The following PCDH11X variants were observed in gnomAD, a reference collection of about 807,000 sequenced individuals.
PCDH11X encodes the protein protocadherin-11 X-linked.
Under a neutral mutation model 53.3 loss-of-function variants are expected in PCDH11X, and 18 were observed. The observed-to-expected ratio is 0.34, with a 90% CI of 0.23 to 0.50. PCDH11X has a LOEUF of 0.50. PCDH11X is among the 20% of genes least tolerant of loss of function. The pLI, the probability that PCDH11X is intolerant of heterozygous loss-of-function variation, is 0.98. For missense variants in PCDH11X, 570 were observed against 1,032.4 expected (o/e 0.55, Z 6.14); for synonymous variants, 279 against 393.3 (o/e 0.71, Z 3.44).
At chrX:92,322,726 A>G (rs980450948) in intron 8 of PCDH11X, among the ~76,000 whole-genome samples, 9 of 111,933 alleles carry the variant, frequency 8.0e-5, no homozygotes, top group Admixed American at 1.9e-4. Flanking sequence ...CAACACTCAT[A>G]AAGTCTATTG....
intron 6 of PCDH11X, among the ~76,000 whole-genome samples, chrX:92,108,320 T>C (rs2064430442): frequency 8.9e-6 from 1 of 112,101 alleles, no homozygotes; most frequent in Admixed American, 9.5e-5. Flanking sequence ...TTAAAAAAAG[T>C]AAAAGGGATT....
chrX:91,875,939 T>C (rs2524540), intron 5 of PCDH11X, among the ~76,000 whole-genome samples: 34,636 of 109,008 alleles, frequency 0.32, 4,867 homozygotes, highest in African/African-American at 0.51. Flanking sequence ...ATTTTTATTT[T>C]GGTGCTTACT....
chrX:91,919,334 T>C lies in PCDH11X; in HGVS notation c.3033+40061T>C, dbSNP rs1325738315. ...CAGAGTCTATAAATTAAATTTTAAG[T>C]CTCACAAAAGGATTATCTTTGTTTC... On this transcript the variant is annotated intron_variant, in intron 6 of 10. Transcript: ENST00000682573. Among the ~76,000 whole-genome samples, 3 of 111,729 alleles carry C rather than the reference T, an allele frequency of 2.7e-5. 1 individual carries two copies. The highest frequency in any genetic ancestry group is 9.2e-3 in the Middle Eastern group (2 of 218).
At chrX:92,535,113 G>A (rs2074632625) in intron 10 of PCDH11X, among the ~76,000 whole-genome samples, 1 of 112,196 alleles carries the variant, frequency 8.9e-6, no homozygotes, top group African/African-American at 3.2e-5. Context: ...AAGTAGTGTG[G>A]TGATTCCTCA....
intron 6 of PCDH11X, among the ~76,000 whole-genome samples, chrX:92,171,091 C>A (rs972580110): frequency 2.9e-5 from 3 of 104,316 alleles, no homozygotes; most frequent in African/African-American, 6.9e-5. Context: ...CAGTGCAAGC[C>A]GCTGTGTCGG....
At chrX:92,491,978 T>C (rs952527389) in intron 10 of PCDH11X, among the ~76,000 whole-genome samples, 1 of 111,233 alleles carries the variant, frequency 9.0e-6, no homozygotes, top group African/African-American at 3.3e-5. Flanking sequence ...CACAAAAATA[T>C]GGTTTATGTT....
Position 92,619,816 on chromosome X carries a change from C to T in PCDH11X, c.*876C>T, listed in dbSNP as rs1178625704. The T allele has an allele frequency of 9.2e-6, 1 of 108,925 alleles. No homozygotes were observed. The highest frequency in any genetic ancestry group is 2.9e-4 in the East Asian group (1 of 3,471). The allele number at this position is 108,925 out of a possible 1,213,427, so 9.0% of individuals were successfully genotyped here. On this transcript the variant is annotated 3_prime_UTR_variant, in exon 11 of 11. Transcript: ENST00000682573. ...TTTACTTCTGGGAATTTGTATGTAA[C>T]AGCCTAGAAAATTAAAAGGAGGTGG... is the stretch of plus-strand genomic sequence containing the variant.
chrX:91,825,337 C>A (rs961879579), intron 4 of PCDH11X, among the ~76,000 whole-genome samples: 1 of 111,218 alleles, frequency 9.0e-6, no homozygotes, highest in Admixed American at 9.4e-5. Flanking sequence ...ACTCCGTGGG[C>A]GTAGGACCTT....
At chrX:92,361,520 G>A (rs2070345687) in intron 8 of PCDH11X, among the ~76,000 whole-genome samples, 1 of 111,135 alleles carries the variant, frequency 9.0e-6, no homozygotes, top group African/African-American at 3.3e-5. Context: ...ACCAAACTCA[G>A]GTGACATTTC....
chrX:91,926,823 A>C lies in PCDH11X; in HGVS notation c.3033+47550A>C, dbSNP rs774362028. Among the ~76,000 whole-genome samples the C allele has an allele frequency of 5.6e-3, 626 of 111,109 alleles. 4 individuals carry two copies. Among genetic ancestry groups the C allele is most frequent in the African/African-American group, 0.019 (579 of 30,659 alleles). On this transcript the variant is annotated intron_variant, in intron 6 of 10. Transcript: ENST00000682573. The stretch of plus-strand genomic sequence containing the variant: ...CAGTTATCATTTCTTTGTGTTGGGA[A>C]CATTTAATATCCTCCTTCTAACGAT...
chrX:92,590,358 G>A (rs1469334583), intron 10 of PCDH11X, among the ~76,000 whole-genome samples: 2 of 110,772 alleles, frequency 1.8e-5, no homozygotes, highest in African/African-American at 6.6e-5. Context: ...ATAAATTTGG[G>A]GGCTCATCTG....
chrX:92,182,598 T>A (rs765949767), intron 6 of PCDH11X, among the ~76,000 whole-genome samples: 25 of 111,512 alleles, frequency 2.2e-4, no homozygotes, highest in Non-Finnish European at 4.3e-4. Context: ...AATTTAATCA[T>A]GGGGGCAAGT....
At chrX:92,501,896 G>C (rs1249466807) in intron 10 of PCDH11X, among the ~76,000 whole-genome samples, 1 of 110,724 alleles carries the variant, frequency 9.0e-6, no homozygotes, top group Admixed American at 9.7e-5. Flanking sequence ...AAGAGATAAA[G>C]AGTATTCAAA....
intron 7 of PCDH11X, among the ~76,000 whole-genome samples, chrX:92,233,158 A>G (rs1229651898): frequency 2.7e-5 from 3 of 111,028 alleles, no homozygotes; most frequent in Non-Finnish European, 3.8e-5. Context: ...TTAGGTAATA[A>G]TTCTTATTGT....
chrX:92,474,961 C>T (rs1321222536), intron 10 of PCDH11X, among the ~76,000 whole-genome samples: 6 of 105,286 alleles, frequency 5.7e-5, no homozygotes, highest in African/African-American at 2.1e-4. Context: ...GTCAGGAGAT[C>T]GAGACCATCC....
chrX:92,494,840 G>A (rs1287593714), intron 10 of PCDH11X, among the ~76,000 whole-genome samples: 2 of 91,867 alleles, frequency 2.2e-5, no homozygotes, highest in Non-Finnish European at 4.3e-5. Flanking sequence ...TCATTTTACA[G>A]TTGTTTATAG....
At chrX:91,858,480 C>T (rs888404578) in intron 5 of PCDH11X, among the ~76,000 whole-genome samples, 28 of 111,646 alleles carry the variant, frequency 2.5e-4, no homozygotes, top group African/African-American at 8.8e-4. Context: ...TGTCAGACTG[C>T]AATTTTTCCA....
At chrX:92,083,783 C>T (rs910081221) in intron 6 of PCDH11X, among the ~76,000 whole-genome samples, 4 of 110,961 alleles carry the variant, frequency 3.6e-5, no homozygotes, top group Non-Finnish European at 7.5e-5. Flanking sequence ...TATATGATAA[C>T]TATAACTCTA....
At chrX:91,844,586 G>A (rs1172863116) in intron 5 of PCDH11X, among the ~76,000 whole-genome samples, 1 of 106,254 alleles carries the variant, frequency 9.4e-6, no homozygotes, top group Non-Finnish European at 1.9e-5. Flanking sequence ...AGACAATCAC[G>A]ACTGTTTTTT....
Sources: allele counts gnomAD v4.1 joint callset (sites outside exome capture counted in the v4.1 genomes callset), GRCh38; gene constraint gnomAD v4.1.1; transcripts MANE v1.5; gene names NCBI Gene and HGNC (gene_info 2026-07-23, HGNC 2026-07-21).